Variants in PTPRJ observed in about 807,000 individuals in gnomAD.
The protein encoded by PTPRJ is protein tyrosine phosphatase receptor type J, also known as receptor-type tyrosine-protein phosphatase eta.
Under a neutral mutation model 141.3 loss-of-function variants are expected in PTPRJ, and 129 were observed. The observed-to-expected ratio is 0.91, with a 90% CI of 0.79 to 1.06. The LOEUF is 1.06. Ranked by LOEUF, PTPRJ falls within the 50% of genes least tolerant of loss-of-function variation. The pLI, the probability that PTPRJ is intolerant of heterozygous loss-of-function variation, is 0.00. For synonymous variants in PTPRJ, 610 were observed against 640.5 expected (o/e 0.95, Z 0.72); for missense variants, 1,601 against 1,679.7 (o/e 0.95, Z 0.82).
intron 7 of PTPRJ, 72 bp from the exon 8 acceptor site, chr11:48,130,387 T>A (rs1192600270): frequency 7.0e-7 from 1 of 1,435,310 alleles, no homozygotes; most frequent in African/African-American, 1.4e-5. Flanking sequence ...ATCTCAGTAT[T>A]TTCTGAGGTG....
chr11:48,123,307 G>A (rs547730212), intron 4 of PTPRJ, among the ~76,000 whole-genome samples: 1 of 152,292 alleles, frequency 6.6e-6, no homozygotes, highest in African/African-American at 2.4e-5. Context: ...TTAGAAGAGT[G>A]TCCAGTCACT....
At chr11:48,019,923 C>T (rs745535645) in intron 1 of PTPRJ, among the ~76,000 whole-genome samples, 3 of 151,788 alleles carry the variant, frequency 2.0e-5, no homozygotes, top group South Asian at 2.1e-4. Flanking sequence ...TTAAAAAGAG[C>T]GATATTTTCG....
intron 1 of PTPRJ, among the ~76,000 whole-genome samples, chr11:48,040,037 C>T (rs1854235618): frequency 6.6e-6 from 1 of 152,226 alleles, no homozygotes; most frequent in Non-Finnish European, 1.5e-5. Flanking sequence ...GATCTGCCCG[C>T]TGCAGCTTCC....
At chr11:48,159,779 T>TA (rs1261706819) in intron 21 of PTPRJ, 151 bp from the exon 22 acceptor site, 20 of 918,068 alleles carry the variant, frequency 2.2e-5, no homozygotes, top group Middle Eastern at 4.7e-4. Context: ...TAAAATAAAA[T>TA]AAAAAAATTC....
chr11:48,064,744 C>T (rs1220748130), intron 1 of PTPRJ, among the ~76,000 whole-genome samples: 2 of 152,060 alleles, frequency 1.3e-5, no homozygotes, highest in East Asian at 1.9e-4. Flanking sequence ...GCTGGGATTA[C>T]AGGCGCCCAC....
At chr11:48,106,738 C>CTTCTT (rs1199235488) in intron 1 of PTPRJ, among the ~76,000 whole-genome samples, 1 of 132,244 alleles carries the variant, frequency 7.6e-6, no homozygotes, top group African/African-American at 2.9e-5. Context: ...TCTTTTTTTT[C>CTTCTT]TTCTTTTCTT....
intron 8 of PTPRJ, among the ~76,000 whole-genome samples, chr11:48,133,915 A>G (rs760817354): frequency 6.6e-6 from 1 of 152,234 alleles, no homozygotes; most frequent in Non-Finnish European, 1.5e-5. Context: ...TTAATATTCT[A>G]CAGAAATTAG....
intron 1 of PTPRJ, among the ~76,000 whole-genome samples, chr11:48,082,410 ATTTTTTTTT>A (rs386373791): frequency 3.2e-5 from 4 of 125,252 alleles, no homozygotes; most frequent in South Asian, 5.3e-4. Flanking sequence ...TACCTGGCAA[ATTTTTTTTT>A]TTTTTTTTTT....
Position 48,121,088 on chromosome 11 carries a change from T to A in PTPRJ, c.438T>A (p.Ala146=). ...CTTGGAAAAGTAATGACACAGCTGC[T>A]TCTGAGTACAAGTATGTAGTAAAGC... ...ILTWKSNDTA[A]SEYKYVVKHK... The change falls in exon 4 of 25, where the codon GCT becomes GCA. Residue 146 remains alanine, a synonymous_variant. Coordinates refer to ENST00000418331, the MANE Select transcript of PTPRJ (RefSeq NM_002843.4). 6.2e-7 allele frequency: 1 copy of A among 1,614,044 alleles called. No individual in the cohort carries two copies. The highest frequency in any genetic ancestry group is 8.5e-7 in the Non-Finnish European group (1 of 1,179,930).
rs71045545 is a variant in PTPRJ at position 48,117,540 on chromosome 11, C to CAAAAAAAAAAAAAAA, written c.353-3442_353-3428dup. On this transcript the variant is annotated intron_variant, in intron 3 of 24. Coordinates refer to ENST00000418331, the MANE Select transcript of PTPRJ (RefSeq NM_002843.4). ...TGGGCAACAGAGCAAGATTCTGTCT[C>CAAAAAAAAAAAAAAA]AAAAAAAAAAAAAAAAAAAAAAAAA... is the stretch of plus-strand genomic sequence containing the variant. Among the ~76,000 whole-genome samples, 2 of 19,674 alleles carry CAAAAAAAAAAAAAAA rather than the reference C, an allele frequency of 1.0e-4. 1 individual carries two copies. The highest frequency in any genetic ancestry group is 4.8e-4 in the African/African-American group (2 of 4,128). The allele number at this position is 19,674 out of a possible 152,430, so 12.9% of individuals were successfully genotyped here.
At chr11:48,116,134 TA>T (rs113529146) in intron 3 of PTPRJ, among the ~76,000 whole-genome samples, 65 of 146,404 alleles carry the variant, frequency 4.4e-4, no homozygotes, top group East Asian at 1.0e-3. Flanking sequence ...GTGAATGGGT[TA>T]AAAAAAAAAA....
rs752200522 is a variant in PTPRJ, at chr11:48,144,984, C to CT, written c.2787-13dup. ...CACGTCTCAGGGACCTCTTTTTGCT[C>CT]TTTGTTATCCCACAGGGCTTGTGTG... On this transcript the variant is annotated splice_polypyrimidine_tract_variant and intron_variant, in intron 13 of 24. Transcript: ENST00000418331. 6.2e-7 allele frequency: 1 copy of CT among 1,613,914 alleles called. No homozygotes were observed. Among genetic ancestry groups the CT allele is most frequent in the East Asian group, 2.2e-5 (1 of 44,884 alleles).
chr11:48,145,902 G>C (rs1857339444), intron 14 of PTPRJ, among the ~76,000 whole-genome samples: 1 of 152,126 alleles, frequency 6.6e-6, no homozygotes, highest in African/African-American at 2.4e-5. Context: ...TGTTGCCCAG[G>C]AGTACAGTGG....
intron 1 of PTPRJ, among the ~76,000 whole-genome samples, chr11:48,010,746 G>A (rs1204297537): frequency 6.6e-6 from 1 of 152,056 alleles, no homozygotes; most frequent in African/African-American, 2.4e-5. Context: ...ATGTTGGCCA[G>A]GCTGGTCTCG....
rs193006700 is a variant in PTPRJ, at chr11:48,077,243, G to A, written c.97-32815G>A. On this transcript the variant is annotated intron_variant, in intron 1 of 24. Coordinates refer to ENST00000418331, the MANE Select transcript of PTPRJ (RefSeq NM_002843.4). ...TACAAGATCTTAGGACAGAAATAAA[G>A]CCTTAACTTGTATGTAACATTTTCC... Among the ~76,000 whole-genome samples the A allele has an allele frequency of 3.4e-3, 522 of 152,194 alleles. 1 individual carries two copies. The highest frequency in any genetic ancestry group is 5.0e-3 in the Non-Finnish European group (340 of 68,018).
chr11:48,128,895 C>A (rs570416078), intron 7 of PTPRJ, among the ~76,000 whole-genome samples: 1 of 152,220 alleles, frequency 6.6e-6, no homozygotes, highest in Non-Finnish European at 1.5e-5. Context: ...GTATTTTGGA[C>A]TGGATCTTTG....
chr11:48,116,244 T>G (rs1222270446), intron 3 of PTPRJ, among the ~76,000 whole-genome samples: 3 of 152,104 alleles, frequency 2.0e-5, no homozygotes, highest in Non-Finnish European at 4.4e-5. Flanking sequence ...TCCATGCTAA[T>G]GGAAATCTAA....
chr11:48,038,786 G>A (rs1357238293), intron 1 of PTPRJ, among the ~76,000 whole-genome samples: 2 of 150,096 alleles, frequency 1.3e-5, no homozygotes, highest in African/African-American at 2.5e-5. Flanking sequence ...CATGGTGCCC[G>A]GTGGAGTAGC....
chr11:48,001,939 TTTG>T (rs764608163), intron 1 of PTPRJ, among the ~76,000 whole-genome samples: 64 of 152,054 alleles, frequency 4.2e-4, no homozygotes, highest in Non-Finnish European at 7.5e-4. Flanking sequence ...TTCTGACTGT[TTTG>T]TTGTTCAAGT....
Sources: allele counts gnomAD v4.1 joint callset (sites outside exome capture counted in the v4.1 genomes callset), GRCh38; gene constraint gnomAD v4.1.1; transcripts MANE v1.5; gene names NCBI Gene and HGNC (gene_info 2026-07-23, HGNC 2026-07-21).